NAV2: variants seen among roughly 807,000 people sequenced by gnomAD.
NAV2 encodes helicase, APC down-regulated 1.
In NAV2, 54 loss-of-function variants were observed where a neutral mutation model predicts 223.2. The observed-to-expected ratio is 0.24, with a 90% CI of 0.19 to 0.30. The LOEUF is 0.30. Ranked by LOEUF, NAV2 falls within the 10% of genes least tolerant of loss-of-function variation. The probability of loss-of-function intolerance (pLI) is 1.00; values close to 1 mark genes in which losing one functional copy is unlikely to be tolerated. For synonymous variants in NAV2, 1,279 were observed against 1,239.3 expected (o/e 1.03, Z -0.67); for missense variants, 2,806 against 3,147.5 (o/e 0.89, Z 2.60).
chr11:19,915,412 T>C (rs1241749732), intron 6 of NAV2, among the ~76,000 whole-genome samples: 2 of 152,222 alleles, frequency 1.3e-5, no homozygotes, highest in African/African-American at 4.8e-5. Context: ...CTCTTCACCA[T>C]GGCCTATAAG....
At chr11:19,732,148 A>T (rs566899284) in intron 1 of NAV2, among the ~76,000 whole-genome samples, 1 of 151,978 alleles carries the variant, frequency 6.6e-6, no homozygotes, top group Non-Finnish European at 1.5e-5. Context: ...TCTCCCTGCT[A>T]CTCGGGAGGC....
At chr11:19,945,168 T>TG (rs1591365319) in intron 8 of NAV2, among the ~76,000 whole-genome samples, 3 of 46,986 alleles carry the variant, frequency 6.4e-5, no homozygotes, top group African/African-American at 3.1e-4. Context: ...TTCCCTTCCC[T>TG]TCCCTTCCCT....
chr11:19,714,441 A>G (rs2278132), intron 1 of NAV2: 232,104 of 457,286 alleles, frequency 0.51, 63,261 homozygotes, highest in African/African-American at 0.84. Context: ...AGAAAAGGGG[A>G]TCGCGGGTGG....
chr11:19,477,512 C>A (rs1019553667), intron 1 of NAV2, among the ~76,000 whole-genome samples: 14 of 152,146 alleles, frequency 9.2e-5, no homozygotes, highest in African/African-American at 3.4e-4. Context: ...TGCATTCAGA[C>A]GGAACTGGGT....
At chr11:19,956,777 A>G (rs1248672182) in intron 10 of NAV2, among the ~76,000 whole-genome samples, 1 of 152,020 alleles carries the variant, frequency 6.6e-6, no homozygotes, top group East Asian at 1.9e-4. Flanking sequence ...AGGCATGACT[A>G]GTTAAATCAT....
At chr11:19,466,216 A>C (rs1344468226) in intron 1 of NAV2, among the ~76,000 whole-genome samples, 2 of 152,136 alleles carry the variant, frequency 1.3e-5, no homozygotes, top group Non-Finnish European at 2.9e-5. Context: ...AGGCCAAGGG[A>C]ATGGGTTGGA....
Position 19,933,156 on chromosome 11 carries a change from CCT to C in NAV2, c.932-15_932-14del. On this transcript the variant is annotated intron_variant, in intron 6 of 37. Transcript: ENST00000349880. The surrounding 1 kb of genome is among the most constrained non-coding windows in gnomAD (Gnocchi z 4.3). Reference sequence around the variant, plus strand: ...AGGTCAACAAGTATGATTCAGGCCTCCTCTCTTCTGTCTCTGCAGAGCCTTTG... The same window carrying C: ...AGGTCAACAAGTATGATTCAGGCCTCCTCTTCTGTCTCTGCAGAGCCTTTG... 2 of 1,506,640 alleles carry C rather than the reference CCT, an allele frequency of 1.3e-6. No individual in the cohort carries two copies. Among genetic ancestry groups the C allele is most frequent in the African/African-American group, 2.8e-5 (2 of 71,746 alleles). The allele number at this position is 1,506,640 out of a possible 1,614,324, so 93.3% of individuals were successfully genotyped here.
At chr11:19,581,601 T>C (rs1418148168) in intron 1 of NAV2, among the ~76,000 whole-genome samples, 1 of 151,814 alleles carries the variant, frequency 6.6e-6, no homozygotes, top group African/African-American at 2.4e-5. Context: ...CACCTATGAG[T>C]GAGAACATGC....
chr11:19,460,362 C>G (rs1307377417), intron 1 of NAV2, among the ~76,000 whole-genome samples: 1 of 152,150 alleles, frequency 6.6e-6, no homozygotes, highest in African/African-American at 2.4e-5. Flanking sequence ...CCTCCCTGAG[C>G]CTCTTTTCAC....
At chr11:19,790,406 T>C (rs1415072291) in intron 1 of NAV2, among the ~76,000 whole-genome samples, 1 of 152,220 alleles carries the variant, frequency 6.6e-6, no homozygotes, top group Non-Finnish European at 1.5e-5. Context: ...GCATTTTTTG[T>C]TCCAACACAG....
intron 1 of NAV2, among the ~76,000 whole-genome samples, chr11:19,481,578 G>T (rs1007979003): frequency 6.6e-6 from 1 of 152,186 alleles, no homozygotes; most frequent in African/African-American, 2.4e-5. Context: ...TCTTCCATCT[G>T]TAAAACAGGA....
At chr11:19,496,369 A>C (rs1835304336) in intron 1 of NAV2, among the ~76,000 whole-genome samples, 1 of 152,192 alleles carries the variant, frequency 6.6e-6, no homozygotes, top group African/African-American at 2.4e-5. Flanking sequence ...GGTTGCATTC[A>C]AGATGTTTTC....
rs1168819157 is a variant in NAV2, at chr11:20,107,779, C to G, written c.6957C>G (p.Leu2319=). ...PYLLEAVREG[L]QLYGRRAPWE... Reference sequence around the variant, plus strand: ...TCCTGGAAGCCGTCAGAGAAGGACTCCAGGTGAGAAGACACCCCTGCTGGC... The same window carrying G: ...TCCTGGAAGCCGTCAGAGAAGGACTGCAGGTGAGAAGACACCCCTGCTGGC... The change falls in exon 36 of 38, where the codon CTC becomes CTG. Residue 2319 remains leucine (L), a synonymous_variant. Transcript: ENST00000349880. The G allele has an allele frequency of 6.2e-7, 1 of 1,607,500 alleles. No individual in the cohort carries two copies. Among genetic ancestry groups the G allele is most frequent in the Non-Finnish European group, 8.5e-7 (1 of 1,174,072 alleles).
Position 20,045,606 on chromosome 11 carries a change from C to G in NAV2, c.3838C>G (p.Pro1280Ala). 1 of 1,614,208 alleles carries G rather than the reference C, an allele frequency of 6.2e-7. No individual in the cohort carries two copies. Among genetic ancestry groups the G allele is most frequent in the South Asian group, 1.1e-5 (1 of 91,078 alleles). ...TCCGGCAGCCCAGCCTGTGTCCAGTCCGGCTCAGACCAGTCTCCAGCCTGG... is the reference window on the plus strand; with the variant it reads ...TCCGGCAGCCCAGCCTGTGTCCAGTGCGGCTCAGACCAGTCTCCAGCCTGG... Reference protein sequence around the residue: ...VNPAAQPVSSPAQTSLQPGAK... With the variant: ...VNPAAQPVSSAAQTSLQPGAK... Residue 1280 changes from proline to alanine, a missense_variant, in exon 14 of 38, where the codon CCG becomes GCG. Physicochemically the swap from Pro to Ala is conservative, Grantham distance 27. Around this residue, in one of 4 missense-constraint regions of NAV2, gnomAD observed 742 missense variants for 777.9 expected, o/e 0.95. Transcript: ENST00000349880.
intron 10 of NAV2, among the ~76,000 whole-genome samples, chr11:19,975,803 G>T (rs2049678094): frequency 6.6e-6 from 1 of 152,172 alleles, no homozygotes. Context: ...ATCTACTTCT[G>T]CCCTGTTTTA....
intron 22 of NAV2, 45 bp downstream of exon 22, chr11:20,068,443 T>A (rs1326898809): frequency 5.5e-6 from 8 of 1,441,764 alleles, no homozygotes; most frequent in South Asian, 1.1e-5. Context: ...GGAAGCACCA[T>A]CCTTGCCTTC....
At chr11:19,385,357 A>G (rs1848994526) in intron 1 of NAV2, among the ~76,000 whole-genome samples, 1 of 152,258 alleles carries the variant, frequency 6.6e-6, no homozygotes, top group South Asian at 2.1e-4. Context: ...TTTAGAGTTC[A>G]TGGTGAATAA....
intron 11 of NAV2, among the ~76,000 whole-genome samples, chr11:19,987,042 T>C (rs925764769): frequency 6.6e-6 from 1 of 152,256 alleles, no homozygotes; most frequent in Non-Finnish European, 1.5e-5. Flanking sequence ...TTAATTTTAA[T>C]ATTTTTTTAA....
intron 12 of NAV2, among the ~76,000 whole-genome samples, chr11:20,037,703 T>G (rs1315184514): frequency 6.6e-6 from 1 of 152,238 alleles, no homozygotes; most frequent in African/African-American, 2.4e-5. Flanking sequence ...TTGTGTACTT[T>G]ACTGTACAAA....
Sources: allele counts gnomAD v4.1 joint callset (sites outside exome capture counted in the v4.1 genomes callset), GRCh38; gene constraint gnomAD v4.1.1; regional missense constraint gnomAD v4.1.1; non-coding constraint Gnocchi (gnomAD v3.1); transcripts MANE v1.5; gene names NCBI Gene and HGNC (gene_info 2026-07-23, HGNC 2026-07-21).